ZNF627: variants seen among roughly 807,000 people sequenced by gnomAD.
The protein encoded by ZNF627 is zinc finger protein 627.
In ZNF627, 12 loss-of-function variants were observed where a neutral mutation model predicts 10.6. The ratio of observed to expected loss-of-function variants is 1.13; its 90% CI spans 0.73 to 1.84. ZNF627 has a LOEUF of 1.84. ZNF627 is among the 40% of genes most tolerant of loss of function. The pLI is 0.00. For synonymous variants in ZNF627, 176 were observed against 187.1 expected, an observed-to-expected ratio of 0.94 and a Z score of 0.48; for missense variants, 504 against 568.4, an observed-to-expected ratio of 0.89 and a Z score of 1.15.
At position 11,618,011 on chromosome 19, in the gene ZNF627, A is replaced by G. The variant is rs1973910340; in HGVS notation, c.*122A>G. Reference sequence around the variant, plus strand: ...CAGTGGAGAAAGACCCTGTAAGATAATTGGCTTTAAATTACGAGAGACTTG... The same window carrying G: ...CAGTGGAGAAAGACCCTGTAAGATAGTTGGCTTTAAATTACGAGAGACTTG... On this transcript the variant is annotated 3_prime_UTR_variant, in exon 4 of 4. Transcript: ENST00000361113. The G allele has an allele frequency of 4.8e-6, 4 of 828,744 alleles. No individual in the cohort carries two copies. Among genetic ancestry groups the G allele is most frequent in the South Asian group, 2.3e-5 (1 of 43,656 alleles). 51.3% of individuals were successfully genotyped at this position (828,744 alleles called of 1,614,324 possible).
chr19:11,612,252 C>G (rs1221208361), intron 1 of ZNF627, among the ~76,000 whole-genome samples: 2 of 151,164 alleles, frequency 1.3e-5, no homozygotes, highest in Non-Finnish European at 2.9e-5. Context: ...TCCCGAGTAG[C>G]TGGGACTACA....
In ZNF627 at chr19:11,614,641, C is replaced by T. The variant is rs1307407489; in HGVS notation, c.118C>T (p.Leu40=). The T allele has an allele frequency of 6.2e-7, 1 of 1,613,898 alleles. No individual in the cohort carries two copies. The highest frequency in any genetic ancestry group is 1.7e-5 in the Admixed American group (1 of 60,004). Residue 40 remains leucine (L), a synonymous_variant, in exon 2 of 4, where the codon CTG becomes TTG. Coordinates refer to ENST00000361113, the MANE Select transcript of ZNF627 (RefSeq NM_145295.4). The part of the protein sequence containing the change: ...RDVMRETFRN[L]ASVGKQWEDQ... ...TGTGATGCGGGAAACCTTCAGGAACCTGGCTTCTGTAGGTAAGGGTGACAA... is the reference window on the plus strand; with the variant it reads ...TGTGATGCGGGAAACCTTCAGGAACTTGGCTTCTGTAGGTAAGGGTGACAA...
intron 1 of ZNF627, among the ~76,000 whole-genome samples, chr19:11,611,680 G>A (rs1973774384): frequency 6.6e-6 from 1 of 152,164 alleles, no homozygotes; most frequent in African/African-American, 2.4e-5. Context: ...TAGAATAAGA[G>A]CTCCCGCTGG....
At chr19:11,602,880 T>G (rs11668925) in intron 1 of ZNF627, among the ~76,000 whole-genome samples, 91,851 of 151,942 alleles carry the variant, frequency 0.6, 27,847 homozygotes, top group Admixed American at 0.62. Context: ...GGAGAGTGGG[T>G]TGTGTGAAAC....
intron 1 of ZNF627, among the ~76,000 whole-genome samples, chr19:11,605,453 G>T (rs557811635): frequency 6.6e-6 from 1 of 152,188 alleles, no homozygotes; most frequent in East Asian, 1.9e-4. Context: ...TGACAGGTCA[G>T]TATGGCTGGG....
At chr19:11,603,375 G>C (rs1027467789) in intron 1 of ZNF627, among the ~76,000 whole-genome samples, 4 of 144,910 alleles carry the variant, frequency 2.8e-5, no homozygotes, top group African/African-American at 1.0e-4. Context: ...CTCTGCCTCC[G>C]GGCTCAAGTG....
At chr19:11,603,958 C>A (rs1045999058) in intron 1 of ZNF627, among the ~76,000 whole-genome samples, 11 of 151,800 alleles carry the variant, frequency 7.2e-5, no homozygotes, top group African/African-American at 2.7e-4. Context: ...CAGGTGTGCA[C>A]CACCACATCT....
chr19:11,612,003 A>G (rs1973778647), intron 1 of ZNF627, among the ~76,000 whole-genome samples: 1 of 152,064 alleles, frequency 6.6e-6, no homozygotes, highest in Non-Finnish European at 1.5e-5. Flanking sequence ...GTCCAAAAAA[A>G]TGGCCTGCAT....
Position 11,618,074 on chromosome 19 carries a change from C to T in ZNF627, c.*185C>T, listed in dbSNP as rs755281368. On this transcript the variant is annotated 3_prime_UTR_variant, in exon 4 of 4. Coordinates refer to ENST00000361113, the MANE Select transcript of ZNF627 (RefSeq NM_145295.4). ...AAAACCTAGAGTTGGAGTTGGATCT[C>T]TGGATTGTGTTATGTCAGTGTTGGT... The T allele has an allele frequency of 7.7e-6, 4 of 520,432 alleles. No individual in the cohort carries two copies. The highest frequency in any genetic ancestry group is 1.3e-5 in the Non-Finnish European group (4 of 305,788). The allele number at this position is 520,432 out of a possible 1,614,324, so 32.2% of individuals were successfully genotyped here.
chr19:11,615,952 CAG>C (rs1193982541), intron 3 of ZNF627, among the ~76,000 whole-genome samples: 1 of 151,540 alleles, frequency 6.6e-6, no homozygotes, highest in East Asian at 2.0e-4. Flanking sequence ...CTCCTGACCT[CAG>C]GTGATCCACC....
At chr19:11,608,661 A>G (rs1053997642) in intron 1 of ZNF627, among the ~76,000 whole-genome samples, 10 of 152,084 alleles carry the variant, frequency 6.6e-5, no homozygotes, top group African/African-American at 2.4e-4. Context: ...ATGTCCATTC[A>G]AGTTCTTTGC....
Position 11,617,463 on chromosome 19 carries a change from A to G in ZNF627, c.960A>G (p.Ala320=). ...GCGGGAAGGCTTTGACTTGTCTTGC[A>G]AGTGTTAGAAGACACATGATAAAGC... ...KECGKALTCL[A]SVRRHMIKHT... The change falls in exon 4 of 4, where the codon GCA becomes GCG. Residue 320 remains alanine (A), a synonymous_variant. Coordinates refer to ENST00000361113, the MANE Select transcript of ZNF627 (RefSeq NM_145295.4). 5 of 1,613,860 alleles carry G rather than the reference A, an allele frequency of 3.1e-6. No individual in the cohort carries two copies. Among genetic ancestry groups the G allele is most frequent in the Non-Finnish European group, 4.2e-6 (5 of 1,179,986 alleles).
At chr19:11,604,569 G>T (rs1973641956) in intron 1 of ZNF627, among the ~76,000 whole-genome samples, 1 of 152,182 alleles carries the variant, frequency 6.6e-6, no homozygotes, top group Admixed American at 6.5e-5. Context: ...TCAGACTTGG[G>T]TGGGCCCAGC....
In ZNF627 at chr19:11,617,735, G is replaced by T. The variant is rs757759352; in HGVS notation, c.1232G>T (p.Arg411Ile). ...TCCAGTTACTTCCGAATCCATGAAA[G>T]AACTCACACTGGAGAGAAACCCTAT... ...SRSSYFRIHE[R>I]THTGEKPYEC... The change falls in exon 4 of 4, where the codon AGA becomes ATA. Residue 411 changes from arginine (R) to isoleucine (I), a missense_variant. By Grantham distance (97) the Arg-to-Ile change is moderately conservative. Coordinates refer to ENST00000361113, the MANE Select transcript of ZNF627 (RefSeq NM_145295.4). 3 of 1,613,478 alleles carry T rather than the reference G, an allele frequency of 1.9e-6. No homozygotes were observed. In the Admixed American group the frequency reaches 5.0e-5, roughly 27 times the overall value.
chr19:11,613,789 T>TG (rs1275124016), intron 1 of ZNF627, among the ~76,000 whole-genome samples: 4 of 152,136 alleles, frequency 2.6e-5, no homozygotes, highest in African/African-American at 7.2e-5. Context: ...GTTAGGTTGG[T>TG]GGGATCCTGT....
chr19:11,598,584 C>T (rs1973532385), intron 1 of ZNF627, among the ~76,000 whole-genome samples: 1 of 152,158 alleles, frequency 6.6e-6, no homozygotes, highest in Non-Finnish European at 1.5e-5. Context: ...GACCTTGTTC[C>T]CCTAGCCTGA....
At position 11,609,441 on chromosome 19, in the gene ZNF627, C is replaced by T. The variant is rs542438097; in HGVS notation, c.4-5086C>T. The stretch of plus-strand genomic sequence containing the variant: ...AGTTGTGCTTTGCATCTTCCAGATC[C>T]GTACTTCCTGGGTAGTCTTTTAAAA... On this transcript the variant is annotated intron_variant, in intron 1 of 3. Coordinates refer to ENST00000361113, the MANE Select transcript of ZNF627 (RefSeq NM_145295.4). Among the ~76,000 whole-genome samples, 47 of 106,974 alleles carry T rather than the reference C, an allele frequency of 4.4e-4. No homozygotes were observed. In the South Asian group the frequency reaches 5.2e-3, roughly 12 times the overall value. 70.2% of individuals were successfully genotyped at this position (106,974 alleles called of 152,430 possible).
At chr19:11,601,772 C>T (rs1453079565) in intron 1 of ZNF627, among the ~76,000 whole-genome samples, 2 of 151,646 alleles carry the variant, frequency 1.3e-5, no homozygotes, top group East Asian at 2.0e-4. Flanking sequence ...CTTTGGGAGG[C>T]CGAGGTGGGT....
At chr19:11,599,946 T>A (rs948629590) in intron 1 of ZNF627, among the ~76,000 whole-genome samples, 2 of 152,092 alleles carry the variant, frequency 1.3e-5, no homozygotes, top group African/African-American at 4.8e-5. Context: ...CGTACCTCTG[T>A]TCCAGGTTAG....
Sources: gnomAD v4.1 joint callset for allele counts (sites outside exome capture counted in the v4.1 genomes callset) on GRCh38, gnomAD v4.1.1 for gene constraint, MANE v1.5 for transcripts, NCBI Gene and HGNC (gene_info 2026-07-23, HGNC 2026-07-21) for gene names.